The following UGT2A2 variants were observed in gnomAD, a reference collection of about 807,000 sequenced individuals.
The protein encoded by UGT2A2 is UDP-glucuronosyltransferase 2A2.
In UGT2A2, 60 loss-of-function variants were observed where a neutral mutation model predicts 50.7. The observed-to-expected ratio is 1.18, with a 90% CI of 0.96 to 1.47. The LOEUF (loss-of-function observed/expected upper bound fraction) is 1.47. Among genes scored for constraint, UGT2A2 ranks in the 40% most tolerant of loss-of-function variants. The pLI is 0.00. For missense variants in UGT2A2, 762 were observed against 634.0 expected, an observed-to-expected ratio of 1.20 and a Z score of -2.17; for synonymous variants, 242 against 214.6, an observed-to-expected ratio of 1.13 and a Z score of -1.11.
rs1017633360 is a variant in UGT2A2 at position 69,589,299 on chromosome 4, T to C, written c.*73A>G. 21 of 1,426,200 alleles carry C rather than the reference T, an allele frequency of 1.5e-5. No homozygotes were observed. Among genetic ancestry groups the C allele is most frequent in the Non-Finnish European group, 1.8e-5 (20 of 1,084,136 alleles). The allele number at this position is 1,426,200 out of a possible 1,614,324, so 88.3% of individuals were successfully genotyped here. ...GTGTTTTTGTTAAACTCCTTTTGTC[T>C]GGAATTAATAGGACTACACTACTCA... is the stretch of plus-strand genomic sequence containing the variant. On this transcript the variant is annotated 3_prime_UTR_variant, in exon 6 of 6. Coordinates refer to ENST00000604629, the MANE Select transcript of UGT2A2 (RefSeq NM_001105677.2).
At chr4:69,618,890 C>A (rs1481186607) in intron 1 of UGT2A2, among the ~76,000 whole-genome samples, 3 of 151,712 alleles carry the variant, frequency 2.0e-5, no homozygotes, top group Non-Finnish European at 4.4e-5. Context: ...AAATTTTCTA[C>A]TCAACATTGA....
intron 1 of UGT2A2, among the ~76,000 whole-genome samples, chr4:69,630,246 T>C (rs986614611): frequency 1.3e-5 from 2 of 152,102 alleles, no homozygotes; most frequent in East Asian, 1.9e-4. Context: ...TACGATTCAT[T>C]TTTTTCTCCT....
At chr4:69,623,695 G>T (rs1243934877) in intron 1 of UGT2A2, among the ~76,000 whole-genome samples, 1 of 151,134 alleles carries the variant, frequency 6.6e-6, no homozygotes, top group African/African-American at 2.4e-5. Flanking sequence ...TCTTCAGATG[G>T]CTATCAAATA....
At chr4:69,609,333 T>C (rs930589610) in intron 1 of UGT2A2, among the ~76,000 whole-genome samples, 15 of 152,028 alleles carry the variant, frequency 9.9e-5, no homozygotes, top group Admixed American at 3.3e-4. Context: ...TTCTTTTCTT[T>C]TCTACTATTT....
intron 1 of UGT2A2, among the ~76,000 whole-genome samples, chr4:69,613,969 C>T (rs1306055787): frequency 1.3e-5 from 2 of 151,930 alleles, no homozygotes; most frequent in Admixed American, 1.3e-4. Context: ...AGTAGTAGTC[C>T]TAGCCAGAGC....
chr4:69,637,700 A>G (rs761718801), intron 1 of UGT2A2, among the ~76,000 whole-genome samples: 10 of 152,074 alleles, frequency 6.6e-5, no homozygotes, highest in East Asian at 1.9e-4. Context: ...CTAAATTTAT[A>G]TATTTATTTT....
intron 1 of UGT2A2, among the ~76,000 whole-genome samples, chr4:69,611,748 GT>G: frequency 6.6e-6 from 1 of 152,106 alleles, no homozygotes; most frequent in Admixed American, 6.6e-5. Context: ...CCAAAACAAA[GT>G]AAAAACATGA....
intron 1 of UGT2A2, chr4:69,603,701 C>A (rs1313903827): frequency 7.4e-6 from 1 of 135,912 alleles, no homozygotes; most frequent in Non-Finnish European, 1.6e-5. Flanking sequence ...ACTAGAATCA[C>A]CAATGAAGAA....
chr4:69,607,627 C>A (rs1048082127), intron 1 of UGT2A2, among the ~76,000 whole-genome samples: 2 of 152,132 alleles, frequency 1.3e-5, no homozygotes, highest in Non-Finnish European at 2.9e-5. Flanking sequence ...TCAGAGTGAA[C>A]AGGCAACCTA....
Position 69,589,237 on chromosome 4 carries a change from G to T in UGT2A2, c.*135C>A. On this transcript the variant is annotated 3_prime_UTR_variant, in exon 6 of 6. Coordinates refer to ENST00000604629, the MANE Select transcript of UGT2A2 (RefSeq NM_001105677.2). ...GGCTTTATCAGTAGGCTTATCGCAG[G>T]TAGAGAAATAGAAAATTTGGAAACA... 1 of 1,156,556 alleles carries T rather than the reference G, an allele frequency of 8.6e-7. No individual in the cohort carries two copies. The highest frequency in any genetic ancestry group is 1.2e-6 in the Non-Finnish European group (1 of 858,380). 71.6% of individuals were successfully genotyped at this position (1,156,556 alleles called of 1,614,324 possible).
intron 1 of UGT2A2, among the ~76,000 whole-genome samples, chr4:69,613,121 G>A (rs1014494419): frequency 2.0e-5 from 3 of 151,732 alleles, no homozygotes; most frequent in Admixed American, 6.6e-5. Flanking sequence ...ACCTGCATAC[G>A]AAAAAATGTG....
chr4:69,618,480 G>C (rs1720548612), intron 1 of UGT2A2, among the ~76,000 whole-genome samples: 1 of 151,656 alleles, frequency 6.6e-6, no homozygotes, highest in Non-Finnish European at 1.5e-5. Context: ...TTATTGAAAG[G>C]GTCTTTGTCT....
intron 5 of UGT2A2, among the ~76,000 whole-genome samples, chr4:69,591,687 G>A (rs565603476): frequency 2.6e-5 from 4 of 152,202 alleles, no homozygotes; most frequent in African/African-American, 9.6e-5. Flanking sequence ...CCATTTGGAT[G>A]GTTGGGTGAG....
intron 5 of UGT2A2, 50 bp from the exon 6 acceptor site, chr4:69,589,701 T>C (rs760157773): frequency 1.3e-6 from 2 of 1,558,034 alleles, no homozygotes; most frequent in Non-Finnish European, 1.7e-6. Flanking sequence ...GTTTTTATTT[T>C]CATTGAAGAT....
At chr4:69,617,299 TG>T (rs1380319776) in intron 1 of UGT2A2, among the ~76,000 whole-genome samples, 1 of 151,892 alleles carries the variant, frequency 6.6e-6, no homozygotes, top group Non-Finnish European at 1.5e-5. Context: ...CTATGGATGA[TG>T]GTTGATAGTG....
intron 5 of UGT2A2, among the ~76,000 whole-genome samples, chr4:69,594,253 C>T (rs946043189): frequency 2.6e-5 from 4 of 152,072 alleles, no homozygotes; most frequent in Non-Finnish European, 5.9e-5. Context: ...GGATTACAAG[C>T]TTGAGCCACT....
At chr4:69,590,816 A>G (rs1718555113) in intron 5 of UGT2A2, among the ~76,000 whole-genome samples, 1 of 152,220 alleles carries the variant, frequency 6.6e-6, no homozygotes, top group South Asian at 2.1e-4. Flanking sequence ...GACAAAGACC[A>G]TGCTCATAAA....
At chr4:69,606,355 C>CT (rs1719611264) in intron 1 of UGT2A2, among the ~76,000 whole-genome samples, 1 of 135,970 alleles carries the variant, frequency 7.4e-6, no homozygotes, top group African/African-American at 3.0e-5. Context: ...CAGAAAAGGC[C>CT]TTGAAAAAAT....
intron 5 of UGT2A2, among the ~76,000 whole-genome samples, chr4:69,593,852 T>C (rs1469369668): frequency 6.6e-6 from 1 of 151,876 alleles, no homozygotes; most frequent in Non-Finnish European, 1.5e-5. Context: ...TAGTTTATAA[T>C]ATGTACATAC....
Sources: allele counts gnomAD v4.1 joint callset (sites outside exome capture counted in the v4.1 genomes callset), GRCh38; gene constraint gnomAD v4.1.1; transcripts MANE v1.5; gene names NCBI Gene and HGNC (gene_info 2026-07-23, HGNC 2026-07-21).